The following RBMS3 variants were observed in gnomAD, a reference collection of about 807,000 sequenced individuals.
RBMS3 encodes RNA binding motif single stranded interacting protein 3.
In RBMS3, 27 loss-of-function variants were observed where a neutral mutation model predicts 66.8. The observed-to-expected ratio is 0.40, with a 90% CI of 0.30 to 0.56. RBMS3 has a LOEUF of 0.56. Ranked by LOEUF, RBMS3 falls within the 20% of genes least tolerant of loss-of-function variation. RBMS3 has a pLI of 0.40. For missense variants in RBMS3, 513 were observed against 549.5 expected (o/e 0.93, Z 0.66); for synonymous variants, 188 against 183.0 (o/e 1.03, Z -0.22).
chr3:29,419,294 G>A (rs2040606103), intron 1 of RBMS3, among the ~76,000 whole-genome samples: 1 of 151,908 alleles, frequency 6.6e-6, no homozygotes, highest in African/African-American at 2.4e-5. Context: ...CATTATCTTA[G>A]GACTTCAAGG....
At chr3:29,361,896 C>T (rs1256857898) in intron 1 of RBMS3, among the ~76,000 whole-genome samples, 1 of 152,182 alleles carries the variant, frequency 6.6e-6, no homozygotes, top group Non-Finnish European at 1.5e-5. Flanking sequence ...TTTTCAGCTC[C>T]ATCAGGTCCT....
At chr3:29,427,267 T>C (rs1460939905) in intron 1 of RBMS3, among the ~76,000 whole-genome samples, 1 of 152,222 alleles carries the variant, frequency 6.6e-6, no homozygotes, top group Non-Finnish European at 1.5e-5. Context: ...TTGCCTAGCA[T>C]AAAATTGCAA....
At chr3:29,940,525 G>A (rs188015062) in intron 11 of RBMS3, among the ~76,000 whole-genome samples, 123 of 151,854 alleles carry the variant, frequency 8.1e-4, no homozygotes, top group African/African-American at 2.8e-3. Flanking sequence ...TTTTAGAAGG[G>A]GGATCTTGAA....
At chr3:29,986,083 T>C (rs1044046359) in intron 12 of RBMS3, among the ~76,000 whole-genome samples, 1 of 152,134 alleles carries the variant, frequency 6.6e-6, no homozygotes, top group African/African-American at 2.4e-5. Context: ...AAGTTTAGAA[T>C]TACTAACTTT....
intron 10 of RBMS3, among the ~76,000 whole-genome samples, chr3:29,917,173 T>A (rs573528276): frequency 5.9e-5 from 9 of 152,188 alleles, no homozygotes; most frequent in African/African-American, 2.2e-4. Flanking sequence ...ATGGAATGTA[T>A]CTTCCAGCAG....
At chr3:29,400,352 G>A (rs575194624) in intron 1 of RBMS3, among the ~76,000 whole-genome samples, 3 of 152,074 alleles carry the variant, frequency 2.0e-5, no homozygotes, top group South Asian at 2.1e-4. Context: ...TTCCACTTAC[G>A]TGAGATGGCT....
chr3:29,443,371 T>G (rs2041699073), intron 2 of RBMS3, among the ~76,000 whole-genome samples: 1 of 152,070 alleles, frequency 6.6e-6, no homozygotes, highest in South Asian at 2.1e-4. Flanking sequence ...ATTGGTAAGT[T>G]TTTCCATATA....
chr3:29,848,232 C>T (rs938466843), intron 6 of RBMS3, among the ~76,000 whole-genome samples: 34 of 152,178 alleles, frequency 2.2e-4, no homozygotes, highest in African/African-American at 8.0e-4. Flanking sequence ...CGCACCTGGA[C>T]AGTCAGGCAT....
intron 2 of RBMS3, among the ~76,000 whole-genome samples, chr3:29,460,120 G>C (rs1200581223): frequency 6.6e-6 from 1 of 152,134 alleles, no homozygotes; most frequent in African/African-American, 2.4e-5. Flanking sequence ...AATATAACAA[G>C]GTAATTGTTA....
At chr3:29,736,106 A>T (rs1328294663) in intron 4 of RBMS3, among the ~76,000 whole-genome samples, 1 of 152,236 alleles carries the variant, frequency 6.6e-6, no homozygotes, top group African/African-American at 2.4e-5. Flanking sequence ...TGAAAGTAAA[A>T]ATATAAATGT....
At chr3:29,612,573 A>T (rs1254621162) in intron 4 of RBMS3, among the ~76,000 whole-genome samples, 1 of 152,092 alleles carries the variant, frequency 6.6e-6, no homozygotes, top group Non-Finnish European at 1.5e-5. Context: ...AATGACAAAC[A>T]TTCTACAAAA....
Position 29,442,223 on chromosome 3 carries a change from G to A in RBMS3, c.248+7308G>A, listed in dbSNP as rs116577876. ...CTATATATACTTACATTTTTTTGCC[G>A]ACTATAGTTTAGTGAACAAAAGTCC... is the stretch of plus-strand genomic sequence containing the variant. On this transcript the variant is annotated intron_variant, in intron 2 of 14. Coordinates refer to ENST00000383767, the MANE Select transcript of RBMS3 (RefSeq NM_001003793.3). Among the ~76,000 whole-genome samples the A allele has an allele frequency of 4.2e-3, 636 of 151,738 alleles. 6 individuals are homozygous for A. Among genetic ancestry groups the A allele is most frequent in the African/African-American group, 0.015 (603 of 41,382 alleles).
chr3:29,987,622 A>G (rs1320440784), intron 12 of RBMS3, among the ~76,000 whole-genome samples: 1 of 152,130 alleles, frequency 6.6e-6, no homozygotes, highest in Non-Finnish European at 1.5e-5. Flanking sequence ...AGTGATGCAA[A>G]AATGAAAAAA....
intron 6 of RBMS3, among the ~76,000 whole-genome samples, chr3:29,806,925 G>A (rs2057568303): frequency 2.0e-5 from 3 of 151,964 alleles, no homozygotes; most frequent in Admixed American, 2.0e-4. Context: ...CCATATAGTG[G>A]CAATGGATTT....
chr3:29,963,330 A>C (rs1395898216), intron 12 of RBMS3, among the ~76,000 whole-genome samples: 1 of 152,148 alleles, frequency 6.6e-6, no homozygotes, highest in Non-Finnish European at 1.5e-5. Flanking sequence ...GGTGGATCCA[A>C]GCATCAGTAG....
chr3:29,535,710 C>CTTTTTTTTTTTTTTTTTTTTTTTTTTTT (rs149022808), intron 3 of RBMS3, among the ~76,000 whole-genome samples: 1 of 39,744 alleles, frequency 2.5e-5, no homozygotes, highest in African/African-American at 1.0e-4. Flanking sequence ...GATCATTGCT[C>CTTTTTTTTTTTTTTTTTTTTTTTTTTTT]TTTTTTTTTT....
At chr3:29,766,614 G>T (rs1329144837) in intron 6 of RBMS3, 1 of 151,868 alleles carries the variant, frequency 6.6e-6, no homozygotes, top group African/African-American at 2.4e-5. Context: ...ATTCATAAAA[G>T]ATCTTTTTTT....
At chr3:29,324,356 C>A (rs1276538625) in intron 1 of RBMS3, among the ~76,000 whole-genome samples, 2 of 152,118 alleles carry the variant, frequency 1.3e-5, no homozygotes, top group African/African-American at 4.8e-5. Context: ...ATTGTTCAAG[C>A]CTCATAGCTA....
intron 6 of RBMS3, among the ~76,000 whole-genome samples, chr3:29,821,423 G>A (rs2058072881): frequency 6.6e-6 from 1 of 152,096 alleles, no homozygotes; most frequent in South Asian, 2.1e-4. Context: ...CTACTGGACA[G>A]GAATCAGGGT....
Sources: allele counts gnomAD v4.1 joint callset (sites outside exome capture counted in the v4.1 genomes callset), GRCh38; gene constraint gnomAD v4.1.1; transcripts MANE v1.5; gene names NCBI Gene and HGNC (gene_info 2026-07-23, HGNC 2026-07-21).